GALNT13: variants seen among roughly 807,000 people sequenced by gnomAD.
GALNT13 encodes polypeptide N-acetylgalactosaminyltransferase 13.
A neutral mutation model predicts 64.2 loss-of-function variants in GALNT13; 28 were observed. The observed-to-expected ratio is 0.44, with a 90% CI of 0.32 to 0.60. GALNT13 has a LOEUF of 0.60. Ranked by LOEUF, GALNT13 falls within the 20% of genes least tolerant of loss-of-function variation. The pLI is 0.05. For synonymous variants in GALNT13, 214 were observed against 224.6 expected (o/e 0.95, Z 0.42); for missense variants, 577 against 669.8 (o/e 0.86, Z 1.53).
chr2:154,239,635 G>A (rs1216229482), intron 4 of GALNT13, among the ~76,000 whole-genome samples: 1 of 152,116 alleles, frequency 6.6e-6, no homozygotes, highest in Non-Finnish European at 1.5e-5. Flanking sequence ...CTTGCCACCA[G>A]AAAGAGATGA....
chr2:153,849,064 A>G, the GALNT13 span, among the ~76,000 whole-genome samples: 1 of 152,078 alleles, frequency 6.6e-6, no homozygotes, highest in South Asian at 2.1e-4. Context: ...AGCAATCCAA[A>G]TTAATAAAAT....
the GALNT13 span, among the ~76,000 whole-genome samples, chr2:153,843,874 G>T: frequency 6.6e-6 from 1 of 152,196 alleles, no homozygotes; most frequent in East Asian, 1.9e-4. Context: ...AATCTGCTTA[G>T]GTTCCATGTA....
intron 9 of GALNT13, among the ~76,000 whole-genome samples, chr2:154,360,153 GTT>G (rs1696982558): frequency 6.6e-6 from 1 of 151,984 alleles, no homozygotes; most frequent in Admixed American, 6.6e-5. Flanking sequence ...TTCCTTGATT[GTT>G]TGTAAATATT....
chr2:154,125,747 C>G (rs1682223989), intron 3 of GALNT13, among the ~76,000 whole-genome samples: 1 of 152,088 alleles, frequency 6.6e-6, no homozygotes, highest in Non-Finnish European at 1.5e-5. Context: ...TTCCCTGTTT[C>G]CTTTTTGTAA....
At chr2:153,219,305 C>T in the GALNT13 span, among the ~76,000 whole-genome samples, 2 of 152,172 alleles carry the variant, frequency 1.3e-5, no homozygotes, top group Non-Finnish European at 2.9e-5. Flanking sequence ...TGTAACCTCC[C>T]TGTGAGTCAA....
intron 4 of GALNT13, among the ~76,000 whole-genome samples, chr2:154,200,156 T>C (rs1028761239): frequency 3.3e-5 from 5 of 152,100 alleles, no homozygotes; most frequent in South Asian, 2.1e-4. Context: ...CATGAAGATA[T>C]ATTGGGTAGT....
rs564127715 is a variant in GALNT13, at chr2:154,075,013, C to T, written c.143-65324C>T. Among the ~76,000 whole-genome samples, 284 of 151,948 alleles carry T rather than the reference C, an allele frequency of 1.9e-3. 1 individual carries two copies. The highest frequency in any genetic ancestry group is 6.6e-3 in the African/African-American group (273 of 41,522). On this transcript the variant is annotated intron_variant, in intron 3 of 12. Transcript: ENST00000392825. ...AGAGAGACAAGATGCTCACTCTCAC[C>T]ACTTCTATTCAACATAGTACTGGAG...
At chr2:153,576,650 T>C in the GALNT13 span, among the ~76,000 whole-genome samples, 1 of 152,204 alleles carries the variant, frequency 6.6e-6, no homozygotes, top group Non-Finnish European at 1.5e-5. Flanking sequence ...GCACCTGCAA[T>C]TCAATACTTT....
At chr2:154,155,508 A>T (rs1684360778) in intron 4 of GALNT13, among the ~76,000 whole-genome samples, 1 of 152,052 alleles carries the variant, frequency 6.6e-6, no homozygotes. Context: ...TGCACATACC[A>T]GTTTCTTAAG....
chr2:153,279,046 T>C, the GALNT13 span, among the ~76,000 whole-genome samples: 5 of 152,218 alleles, frequency 3.3e-5, no homozygotes, highest in African/African-American at 4.8e-5. Flanking sequence ...TAGCATTTTG[T>C]AGTTTCCCTT....
At chr2:154,281,069 T>G (rs2105939714) in intron 8 of GALNT13, among the ~76,000 whole-genome samples, 1 of 152,340 alleles carries the variant, frequency 6.6e-6, no homozygotes, top group Admixed American at 6.5e-5. Context: ...GTATTATACC[T>G]TAACATTATT....
chr2:153,347,702 A>G, the GALNT13 span, among the ~76,000 whole-genome samples: 1 of 152,188 alleles, frequency 6.6e-6, no homozygotes, highest in Non-Finnish European at 1.5e-5. Flanking sequence ...TTAGGTATCA[A>G]AAACTACTTA....
chr2:154,119,636 TC>T (rs1218616223), intron 3 of GALNT13, among the ~76,000 whole-genome samples: 1 of 152,176 alleles, frequency 6.6e-6, no homozygotes, highest in Non-Finnish European at 1.5e-5. Context: ...GTCTTTTTGC[TC>T]CTCTGACTGG....
At chr2:153,972,844 A>C (rs1693833544) in intron 3 of GALNT13, among the ~76,000 whole-genome samples, 1 of 152,090 alleles carries the variant, frequency 6.6e-6, no homozygotes, top group Non-Finnish European at 1.5e-5. Flanking sequence ...TAACCTATGA[A>C]GTGGCCTCAC....
At chr2:153,867,334 C>A (rs1475992151), upstream of GALNT13, among the ~76,000 whole-genome samples, 1 of 152,148 alleles carries the variant, frequency 6.6e-6, no homozygotes, top group Non-Finnish European at 1.5e-5. Flanking sequence ...TACTTGGCTA[C>A]TTCTGATGGG....
At chr2:154,446,690 A>G (rs1395136404) in intron 12 of GALNT13, 2 of 1,548,388 alleles carry the variant, frequency 1.3e-6, no homozygotes, top group Non-Finnish European at 1.7e-6. Flanking sequence ...GGCTACTAAG[A>G]AACTATACAA....
chr2:153,613,195 A>G, the GALNT13 span, among the ~76,000 whole-genome samples: 51 of 152,212 alleles, frequency 3.4e-4, no homozygotes, highest in Non-Finnish European at 6.3e-4. Flanking sequence ...AGAGGAAATA[A>G]TAAAAGAAGA....
At chr2:153,450,091 C>T in the GALNT13 span, among the ~76,000 whole-genome samples, 3 of 152,146 alleles carry the variant, frequency 2.0e-5, no homozygotes, top group Admixed American at 6.5e-5. Context: ...AACAAGGCTT[C>T]ATCGTTCAGG....
chr2:154,325,755 CTTTTA>C (rs148052598), intron 9 of GALNT13, among the ~76,000 whole-genome samples: 10,838 of 151,954 alleles, frequency 0.071, 471 homozygotes, highest in African/African-American at 0.11. Context: ...AAACTAGATA[CTTTTA>C]TTTAATTATA....
Sources: gnomAD v4.1 joint callset for allele counts (sites outside exome capture counted in the v4.1 genomes callset) on GRCh38, gnomAD v4.1.1 for gene constraint, MANE v1.5 for transcripts, NCBI Gene and HGNC (gene_info 2026-07-23, HGNC 2026-07-21) for gene names.